Variants in NRXN1 observed in about 807,000 individuals in gnomAD.
NRXN1 encodes the protein neurexin-1.
NRXN1 carries 39 observed loss-of-function variants against 150.9 expected under a neutral mutation model. That is an observed-to-expected ratio of 0.26 (90% CI 0.20 to 0.34). The LOEUF (loss-of-function observed/expected upper bound fraction) is 0.34. Ranked by LOEUF, NRXN1 falls within the 10% of genes least tolerant of loss-of-function variation. NRXN1 has a pLI of 1.00. For missense variants in NRXN1, 1,815 were observed against 1,949.9 expected (o/e 0.93, Z 1.30); for synonymous variants, 924 against 757.0 (o/e 1.22, Z -3.62).
intron 17 of NRXN1, among the ~76,000 whole-genome samples, chr2:50,358,175 A>T (rs924711818): frequency 1.3e-5 from 2 of 152,126 alleles, no homozygotes; most frequent in Non-Finnish European, 2.9e-5. Flanking sequence ...ACACCAAGCT[A>T]GCTGCAGGAG....
intron 17 of NRXN1, among the ~76,000 whole-genome samples, chr2:50,414,226 A>G (rs2104137070): frequency 6.6e-6 from 1 of 152,240 alleles, no homozygotes; most frequent in Non-Finnish European, 1.5e-5. Flanking sequence ...AGCTCAAAGG[A>G]TAAATGCTAG....
chr2:50,428,303 T>C (rs1032738970), intron 17 of NRXN1, among the ~76,000 whole-genome samples: 2 of 152,086 alleles, frequency 1.3e-5, no homozygotes, highest in Non-Finnish European at 2.9e-5. Context: ...TGGTCTCAGC[T>C]ACTCTGGAGG....
intron 18 of NRXN1, among the ~76,000 whole-genome samples, chr2:50,112,177 C>A (rs1340822115): frequency 6.6e-6 from 1 of 152,136 alleles, no homozygotes; most frequent in African/African-American, 2.4e-5. Context: ...TTTAACCACC[C>A]CCTCCAGATC....
At chr2:50,666,463 T>C (rs1321247610) in intron 5 of NRXN1, among the ~76,000 whole-genome samples, 2 of 151,928 alleles carry the variant, frequency 1.3e-5, no homozygotes, top group Non-Finnish European at 2.9e-5. Flanking sequence ...ATATGGTAGG[T>C]ATAGGTTTAA....
intron 18 of NRXN1, among the ~76,000 whole-genome samples, chr2:50,200,442 G>A (rs2062079061): frequency 6.6e-6 from 1 of 152,048 alleles, no homozygotes; most frequent in Admixed American, 6.6e-5. Flanking sequence ...AAACAGAGAA[G>A]AATAAAAACA....
At chr2:50,997,960 T>A (rs990740591) in intron 2 of NRXN1, among the ~76,000 whole-genome samples, 1 of 141,520 alleles carries the variant, frequency 7.1e-6, no homozygotes, top group African/African-American at 3.0e-5. Flanking sequence ...TCCGAATGTT[T>A]AGATAAGAAA....
chr2:50,631,324 A>G (rs1316824231), intron 5 of NRXN1: 1 of 291,280 alleles, frequency 3.4e-6, no homozygotes, highest in African/African-American at 2.4e-5. Context: ...CTTCTATCAA[A>G]TAATTCAAAA....
At chr2:50,352,805 T>C (rs1378083830) in intron 17 of NRXN1, among the ~76,000 whole-genome samples, 1 of 149,238 alleles carries the variant, frequency 6.7e-6, no homozygotes, top group Non-Finnish European at 1.5e-5. Context: ...ATAATAATAA[T>C]AATGCCAGGC....
At chr2:50,995,105 AT>A (rs1284550863) in intron 2 of NRXN1, among the ~76,000 whole-genome samples, 1 of 152,014 alleles carries the variant, frequency 6.6e-6, no homozygotes, top group Non-Finnish European at 1.5e-5. Context: ...TATGTTGCTT[AT>A]TATTAATTTC....
intron 5 of NRXN1, among the ~76,000 whole-genome samples, chr2:50,805,569 G>A (rs1352286833): frequency 1.3e-5 from 2 of 152,030 alleles, no homozygotes; most frequent in South Asian, 2.1e-4. Flanking sequence ...GAGCCCAGGA[G>A]GCAGAGGTTG....
intron 17 of NRXN1, among the ~76,000 whole-genome samples, chr2:50,403,064 C>T (rs2082504054): frequency 6.6e-6 from 1 of 151,616 alleles, no homozygotes; most frequent in Non-Finnish European, 1.5e-5. Context: ...GTAATCCAGG[C>T]TGGGCACCCC....
At chr2:50,286,661 T>G (rs908958456) in intron 17 of NRXN1, among the ~76,000 whole-genome samples, 8 of 152,074 alleles carry the variant, frequency 5.3e-5, no homozygotes, top group East Asian at 1.9e-4. Flanking sequence ...ATTCATCAAA[T>G]CAACAAAACT....
At chr2:50,166,947 T>C (rs2059724997) in intron 18 of NRXN1, among the ~76,000 whole-genome samples, 1 of 152,156 alleles carries the variant, frequency 6.6e-6, no homozygotes. Flanking sequence ...TCAAGTAGGA[T>C]GGAGGCTCGG....
intron 17 of NRXN1, among the ~76,000 whole-genome samples, chr2:50,445,212 A>G (rs1227783903): frequency 2.0e-5 from 3 of 152,196 alleles, no homozygotes; most frequent in African/African-American, 7.2e-5. Context: ...CAACCACTGC[A>G]TCAGGAGAGA....
intron 21 of NRXN1, among the ~76,000 whole-genome samples, chr2:49,980,051 AATT>A (rs893059256): frequency 1.3e-5 from 2 of 152,116 alleles, no homozygotes; most frequent in Non-Finnish European, 2.9e-5. Flanking sequence ...ATATCCTAAA[AATT>A]ATTATGCTAA....
intron 21 of NRXN1, among the ~76,000 whole-genome samples, chr2:49,947,206 C>T (rs577887133): frequency 6.6e-6 from 1 of 152,096 alleles, no homozygotes; most frequent in East Asian, 1.9e-4. Context: ...GATAATTTCT[C>T]ATTTTCTTTG....
At position 50,359,260 on chromosome 2, in the gene NRXN1, G is replaced by C. The variant is rs142233147; in HGVS notation, c.3364+106182C>G. On this transcript the variant is annotated intron_variant, in intron 17 of 22. Coordinates refer to ENST00000401669, the MANE Select transcript of NRXN1 (RefSeq NM_001330078.2). Reference sequence around the variant, plus strand: ...ACAAAACTGGACGGCGAATGAGTTTGACGAATTGACAGAAGTAGGCTTCAG... The same window carrying C: ...ACAAAACTGGACGGCGAATGAGTTTCACGAATTGACAGAAGTAGGCTTCAG... Among the ~76,000 whole-genome samples, 4 of 152,104 alleles carry C rather than the reference G, an allele frequency of 2.6e-5. No individual in the cohort carries two copies. In the East Asian group the frequency reaches 7.8e-4, roughly 30 times the overall value.
At position 49,964,057 on chromosome 2, in the gene NRXN1, T is replaced by C. The variant is rs1299337446; in HGVS notation, c.4129-20266A>G. On this transcript the variant is annotated intron_variant, in intron 21 of 22. Transcript: ENST00000401669. ...ACAGAGGCACAATGCTTCTAAAGCT[T>C]TGAAGCCTGAAGTTCAGGGAATGCT... Among the ~76,000 whole-genome samples the C allele has an allele frequency of 3.3e-5, 5 of 152,280 alleles. No homozygotes were observed. The East Asian group carries it at 9.7e-4, about 29-fold the overall frequency.
chr2:50,214,737 G>A (rs2063277644), intron 18 of NRXN1, among the ~76,000 whole-genome samples: 1 of 151,882 alleles, frequency 6.6e-6, no homozygotes, highest in East Asian at 1.9e-4. Flanking sequence ...TATTTTTTAA[G>A]TGACTATAAG....
Sources: gnomAD v4.1 joint callset for allele counts (sites outside exome capture counted in the v4.1 genomes callset) on GRCh38, gnomAD v4.1.1 for gene constraint, MANE v1.5 for transcripts, NCBI Gene and HGNC (gene_info 2026-07-23, HGNC 2026-07-21) for gene names.